DIAPH2: variants seen among roughly 807,000 people sequenced by gnomAD.
DIAPH2 encodes protein diaphanous homolog 2.
In DIAPH2, 35 loss-of-function variants were observed where a neutral mutation model predicts 92.7. That is an observed-to-expected ratio of 0.38 (90% confidence interval 0.29 to 0.50). The LOEUF is 0.50. Ranked by LOEUF, DIAPH2 falls within the 20% of genes least tolerant of loss-of-function variation. The probability of loss-of-function intolerance (pLI) is 0.94; values close to 1 mark genes in which losing one functional copy is unlikely to be tolerated. For synonymous variants in DIAPH2, 301 were observed against 280.4 expected (o/e 1.07, Z -0.73); for missense variants, 701 against 819.5 (o/e 0.86, Z 1.77).
chrX:97,292,046 A>G lies in DIAPH2; in HGVS notation c.2844+44207A>G, dbSNP rs181543380. Among the ~76,000 whole-genome samples, 9 of 104,336 alleles carry G rather than the reference A, an allele frequency of 8.6e-5. No homozygotes were observed. In the East Asian group the frequency reaches 2.5e-3, roughly 29 times the overall value. The allele number at this position is 104,336 out of a possible 115,157, so 90.6% of individuals were successfully genotyped here. A position where few individuals can be genotyped will look rare whatever the true frequency, so the allele number is the denominator to read the frequency against. On this transcript the variant is annotated intron_variant, in intron 23 of 26. Coordinates refer to ENST00000324765, the MANE Select transcript of DIAPH2 (RefSeq NM_006729.5). Reference sequence around the variant, plus strand: ...ATATTTCTGCTCTATTAATACTGCTAGTTTTATTAGCTACTTATAGAAGCA... The same window carrying G: ...ATATTTCTGCTCTATTAATACTGCTGGTTTTATTAGCTACTTATAGAAGCA...
At chrX:96,949,077 A>G (rs986978079) in intron 15 of DIAPH2, 38 bp downstream of exon 15, 6 of 913,739 alleles carry the variant, frequency 6.6e-6, no homozygotes, top group African/African-American at 1.9e-5. Context: ...TCATGTCACA[A>G]TGAGTTTGAT....
At position 97,300,931 on chromosome X, in the gene DIAPH2, T is replaced by TAAAAAAAAA. The variant is rs774601881; in HGVS notation, c.2845-47159_2845-47151dup. Among the ~76,000 whole-genome samples the TAAAAAAAAA allele has an allele frequency of 4.0e-3, 43 of 10,773 alleles. 3 individuals carry two copies. The highest frequency in any genetic ancestry group is 8.7e-3 in the East Asian group (1 of 115). 9.4% of individuals were successfully genotyped at this position (10,773 alleles called of 115,157 possible). A position where few individuals can be genotyped will look rare whatever the true frequency, so the allele number is the denominator to read the frequency against. On this transcript the variant is annotated intron_variant, in intron 23 of 26. Transcript: ENST00000324765. Reference sequence around the variant, plus strand: ...TGGGCCACAGAGCAAGACTCCGTCTTAAAAAAAAAAAAAAAAAAAAAAAAA... The same window carrying TAAAAAAAAA: ...TGGGCCACAGAGCAAGACTCCGTCTTAAAAAAAAAAAAAAAAAAAAAAAAAAAAAAAAAA...
At chrX:97,477,362 C>G (rs761432134) in intron 26 of DIAPH2, among the ~76,000 whole-genome samples, 18 of 110,623 alleles carry the variant, frequency 1.6e-4, no homozygotes, top group African/African-American at 5.9e-4. Flanking sequence ...CTGTGGCTCA[C>G]ACCTGTAATC....
intron 26 of DIAPH2, among the ~76,000 whole-genome samples, chrX:97,462,622 G>A (rs1199957924): frequency 9.0e-6 from 1 of 111,597 alleles, no homozygotes; most frequent in African/African-American, 3.3e-5. Context: ...TGTAAAGAAC[G>A]TTTTCACATT....
intron 25 of DIAPH2, among the ~76,000 whole-genome samples, chrX:97,405,270 A>G (rs1354203571): frequency 8.9e-6 from 1 of 112,407 alleles, no homozygotes; most frequent in Non-Finnish European, 1.9e-5. Flanking sequence ...TACCTCAAAG[A>G]TGTTTCATTA....
chrX:97,214,791 A>G (rs1479834846), intron 22 of DIAPH2, among the ~76,000 whole-genome samples: 2 of 101,466 alleles, frequency 2.0e-5, no homozygotes, highest in African/African-American at 3.6e-5. Context: ...AGATCGCACC[A>G]TTGTGCTCCA....
At chrX:96,933,697 G>A (rs1246311713) in intron 10 of DIAPH2, among the ~76,000 whole-genome samples, 4 of 106,552 alleles carry the variant, frequency 3.8e-5, no homozygotes, top group African/African-American at 1.4e-4. Context: ...TCTGCCTCCC[G>A]GGTTCAAGCG....
intron 24 of DIAPH2, among the ~76,000 whole-genome samples, chrX:97,375,095 C>G (rs2147722982): frequency 8.9e-6 from 1 of 111,980 alleles, no homozygotes; most frequent in East Asian, 2.8e-4. Context: ...GTAGAGGTAA[C>G]ATACATTGGG....
At chrX:97,469,590 A>C in intron 26 of DIAPH2, 1 of 711,705 alleles carries the variant, frequency 1.4e-6, no homozygotes, top group Non-Finnish European at 2.0e-6. Flanking sequence ...CAGTATTATA[A>C]ATGAGCTGTT....
At chrX:97,376,837 T>C (rs898228955) in intron 24 of DIAPH2, among the ~76,000 whole-genome samples, 2 of 112,404 alleles carry the variant, frequency 1.8e-5, no homozygotes, top group Non-Finnish European at 3.8e-5. Flanking sequence ...CGTAAGCCTG[T>C]TGTTCGTCGA....
Position 97,247,794 on chromosome X carries a change from C to G in DIAPH2, c.2799C>G (p.Phe933Leu). The G allele has an allele frequency of 8.3e-7, 1 of 1,207,760 alleles. No individual in the cohort carries two copies. The highest frequency in any genetic ancestry group is 1.1e-6 in the Non-Finnish European group (1 of 892,896). Residue 933 changes from phenylalanine (F) to leucine (L), a missense_variant, in exon 23 of 27, where the codon TTC becomes TTG. By Grantham distance (22) the Phe-to-Leu change is conservative. Around this residue, in one of 3 missense-constraint regions of DIAPH2, gnomAD observed 536 missense variants for 599.3 expected, o/e 0.89. Transcript: ENST00000324765. ...ATCTGGAACGTGACATCAAGAAATT[C>G]CCCCAAGCAGAAAATCAACACGATA... is the stretch of plus-strand genomic sequence containing the variant. ...IVHLERDIKKFPQAENQHDKF... is the reference protein window; with the variant it reads ...IVHLERDIKKLPQAENQHDKF...
chrX:96,827,430 A>G (rs1203246073), intron 4 of DIAPH2, among the ~76,000 whole-genome samples: 2 of 111,946 alleles, frequency 1.8e-5, no homozygotes, highest in Admixed American at 9.5e-5. Flanking sequence ...TATTATGTCT[A>G]TTATATAGCT....
chrX:97,593,292 G>A (rs1418564271), intron 26 of DIAPH2, among the ~76,000 whole-genome samples: 4 of 110,931 alleles, frequency 3.6e-5, no homozygotes, highest in Non-Finnish European at 5.7e-5. Context: ...ACAGAAACCC[G>A]AGTATAGCAA....
At chrX:97,419,193 G>A (rs758742118) in intron 25 of DIAPH2, among the ~76,000 whole-genome samples, 1 of 111,634 alleles carries the variant, frequency 9.0e-6, no homozygotes, top group African/African-American at 3.3e-5. Context: ...CTGAGTAGTG[G>A]AGGCTACGGG....
chrX:97,203,434 TAAAG>T (rs770218739), intron 22 of DIAPH2, among the ~76,000 whole-genome samples: 51 of 110,153 alleles, frequency 4.6e-4, no homozygotes, highest in African/African-American at 1.6e-3. Context: ...GCCAGACTAA[TAAAG>T]AAGAAAAGAG....
At chrX:97,031,260 A>G (rs1263603201) in intron 17 of DIAPH2, among the ~76,000 whole-genome samples, 3 of 103,553 alleles carry the variant, frequency 2.9e-5, no homozygotes, top group African/African-American at 1.0e-4. Flanking sequence ...GGAGCCTGAC[A>G]AGAGGTCTCC....
chrX:97,043,811 A>G (rs1459736143), intron 17 of DIAPH2, among the ~76,000 whole-genome samples: 1 of 112,289 alleles, frequency 8.9e-6, no homozygotes, highest in Non-Finnish European at 1.9e-5. Flanking sequence ...AAACAATTTC[A>G]GCACATGCTG....
chrX:97,572,082 C>CTT (rs58336391), intron 26 of DIAPH2, among the ~76,000 whole-genome samples: 40 of 96,798 alleles, frequency 4.1e-4, no homozygotes, highest in African/African-American at 1.3e-3. Context: ...CTGTGACTTC[C>CTT]TTTTTTTTTT....
intron 17 of DIAPH2, among the ~76,000 whole-genome samples, chrX:97,064,504 C>T (rs755362621): frequency 6.1e-4 from 67 of 110,255 alleles, no homozygotes; most frequent in African/African-American, 2.1e-3. Flanking sequence ...GGAACACATA[C>T]CCCACCCCCC....
Sources: gnomAD v4.1 joint callset for allele counts (sites outside exome capture counted in the v4.1 genomes callset) on GRCh38, gnomAD v4.1.1 for gene constraint, gnomAD v4.1.1 regional missense constraint, MANE v1.5 for transcripts, NCBI Gene and HGNC (gene_info 2026-07-23, HGNC 2026-07-21) for gene names.